The following XPR1 variants were observed in gnomAD, a reference collection of about 807,000 sequenced individuals.
XPR1 encodes solute carrier family 53 member 1.
A neutral mutation model predicts 87.5 loss-of-function variants in XPR1; 28 were observed. The observed-to-expected ratio is 0.32, with a 90% CI of 0.24 to 0.44. XPR1 has a LOEUF of 0.44. Among genes scored for constraint, XPR1 ranks in the 20% least tolerant of loss-of-function variants. The pLI, the probability that XPR1 is intolerant of heterozygous loss-of-function variation, is 1.00. For missense variants in XPR1, 559 were observed against 862.3 expected (o/e 0.65, Z 4.41); for synonymous variants, 300 against 306.1 (o/e 0.98, Z 0.21).
intron 1 of XPR1, among the ~76,000 whole-genome samples, chr1:180,634,331 T>G (rs1654694076): frequency 6.6e-6 from 1 of 152,226 alleles, no homozygotes; most frequent in Non-Finnish European, 1.5e-5. Context: ...GATAAACTCA[T>G]TGTTTGGTAG....
chr1:180,844,895 A>G (rs372795733), intron 11 of XPR1, among the ~76,000 whole-genome samples: 5 of 152,244 alleles, frequency 3.3e-5, no homozygotes, highest in African/African-American at 1.2e-4. Flanking sequence ...GGCCATTGCA[A>G]CTGCTAGGCC....
At chr1:180,656,443 A>AATATTTATATATTATATAT (rs1553232986) in intron 1 of XPR1, among the ~76,000 whole-genome samples, 1 of 5,476 alleles carries the variant, frequency 1.8e-4, no homozygotes, top group African/African-American at 5.3e-4. Flanking sequence ...ATTTATATAT[A>AATATTTATATATTATATAT]AATATTTATA....
chr1:180,790,643 C>T (rs565685359), intron 3 of XPR1, among the ~76,000 whole-genome samples: 1 of 152,120 alleles, frequency 6.6e-6, no homozygotes, highest in Admixed American at 6.5e-5. Context: ...GGGTTCACGT[C>T]ATTCTCCTGC....
rs1553238718 is a variant in XPR1, at chr1:180,704,245, G to GATATATATATGTATATAT, written c.121+21844_121+21845insGTATATATATATATATAT. ...TTTCTCAAGAACACTATAGGTGCTGGATATATATATATATATATATATATA... is the reference window on the plus strand; with the variant it reads ...TTTCTCAAGAACACTATAGGTGCTGGATATATATATGTATATATATATATATATATATATATATATATA... On this transcript the variant is annotated intron_variant, in intron 2 of 14. Coordinates refer to ENST00000367590, the MANE Select transcript of XPR1 (RefSeq NM_004736.4). Among the ~76,000 whole-genome samples, 14 of 66,028 alleles carry GATATATATATGTATATAT rather than the reference G, an allele frequency of 2.1e-4. No homozygotes were observed. The East Asian group carries it at 5.0e-3, about 24-fold the overall frequency. The allele number at this position is 66,028 out of a possible 152,430, so 43.3% of individuals were successfully genotyped here.
rs1238363484 is a variant in XPR1 at position 180,885,997 on chromosome 1, G to GA, written c.*1937dup. ...GTTTTTTTGTTTTGTTTTGTTTTCT[G>GA]AAAAAATCATACAACTTTGTGCTTC... On this transcript the variant is annotated 3_prime_UTR_variant, in exon 15 of 15. Coordinates refer to ENST00000367590, the MANE Select transcript of XPR1 (RefSeq NM_004736.4). 1.3e-5 allele frequency: 2 copies of GA among 151,970 alleles called. No individual in the cohort carries two copies. The highest frequency in any genetic ancestry group is 2.4e-5 in the African/African-American group (1 of 41,394). 9.4% of individuals were successfully genotyped at this position (151,970 alleles called of 1,614,324 possible).
At chr1:180,671,047 C>G (rs1163829014) in intron 1 of XPR1, among the ~76,000 whole-genome samples, 1 of 152,142 alleles carries the variant, frequency 6.6e-6, no homozygotes, top group East Asian at 1.9e-4. Flanking sequence ...ATACTGAGGT[C>G]TCTAAAATGA....
chr1:180,734,851 A>G (rs1397204031), intron 2 of XPR1, among the ~76,000 whole-genome samples: 1 of 152,202 alleles, frequency 6.6e-6, no homozygotes, highest in Non-Finnish European at 1.5e-5. Flanking sequence ...TGTGAAATAC[A>G]GTGGAGGAGG....
At chr1:180,782,874 T>C (rs1648995832) in intron 2 of XPR1, among the ~76,000 whole-genome samples, 1 of 151,940 alleles carries the variant, frequency 6.6e-6, no homozygotes, top group South Asian at 2.1e-4. Context: ...TGGGGAAAAC[T>C]CATGTCACCT....
At chr1:180,734,236 A>G (rs1187083653) in intron 2 of XPR1, among the ~76,000 whole-genome samples, 2 of 152,214 alleles carry the variant, frequency 1.3e-5, no homozygotes, top group South Asian at 2.1e-4. Flanking sequence ...CAGAAAGCCA[A>G]CCACTGAAAA....
chr1:180,778,842 T>A (rs1014394395), intron 2 of XPR1, among the ~76,000 whole-genome samples: 9 of 152,232 alleles, frequency 5.9e-5, no homozygotes, highest in Non-Finnish European at 1.0e-4. Context: ...AAATTATCAT[T>A]TAATAAAACA....
chr1:180,715,740 G>T (rs569353192), intron 2 of XPR1, among the ~76,000 whole-genome samples: 1 of 151,054 alleles, frequency 6.6e-6, no homozygotes, highest in Non-Finnish European at 1.5e-5. Context: ...GCAATGGTGC[G>T]ATCTTGGCTC....
chr1:180,748,118 T>TACC (rs1647337058), intron 2 of XPR1, among the ~76,000 whole-genome samples: 1 of 152,212 alleles, frequency 6.6e-6, no homozygotes, highest in Non-Finnish European at 1.5e-5. Context: ...TGTTACCATT[T>TACC]ACCACCTGTG....
At chr1:180,811,543 T>TTGG in intron 7 of XPR1, 55 bp downstream of exon 7, 1 of 1,413,390 alleles carries the variant, frequency 7.1e-7, no homozygotes, top group Non-Finnish European at 9.9e-7. Context: ...CTGTGTCATA[T>TTGG]TCTGCCCCTC....
intron 7 of XPR1, among the ~76,000 whole-genome samples, chr1:180,814,571 T>C (rs1037862947): frequency 6.6e-6 from 1 of 152,132 alleles, no homozygotes; most frequent in African/African-American, 2.4e-5. Flanking sequence ...GCAGGGTTGT[T>C]TAGGGTTCAT....
chr1:180,878,236 C>A (rs1652722952), intron 13 of XPR1: 1 of 152,148 alleles, frequency 6.6e-6, no homozygotes, highest in Non-Finnish European at 1.5e-5. Context: ...TTTTTAAAAT[C>A]ATTTGCTTAC....
At chr1:180,814,283 T>C (rs1159900347) in intron 7 of XPR1, among the ~76,000 whole-genome samples, 1 of 152,222 alleles carries the variant, frequency 6.6e-6, no homozygotes, top group African/African-American at 2.4e-5. Context: ...TTATGGTCAA[T>C]CCTGAGTTTA....
chr1:180,764,814 C>G (rs1396541787), intron 2 of XPR1, among the ~76,000 whole-genome samples: 1 of 128,822 alleles, frequency 7.8e-6, no homozygotes, highest in Non-Finnish European at 1.6e-5. Flanking sequence ...GAGACAGGGT[C>G]TTGCTCTGTC....
intron 2 of XPR1, among the ~76,000 whole-genome samples, chr1:180,688,694 T>C (rs548976284): frequency 1.4e-4 from 22 of 152,312 alleles, no homozygotes; most frequent in African/African-American, 4.8e-4. Flanking sequence ...TTCTTACATA[T>C]AGTACCCGTT....
At chr1:180,760,588 C>CA (rs1292078312) in intron 2 of XPR1, among the ~76,000 whole-genome samples, 1 of 152,158 alleles carries the variant, frequency 6.6e-6, no homozygotes, top group Non-Finnish European at 1.5e-5. Context: ...AGGAGAACTA[C>CA]AAACCACTGC....
Sources: allele counts gnomAD v4.1 joint callset (sites outside exome capture counted in the v4.1 genomes callset), GRCh38; gene constraint gnomAD v4.1.1; transcripts MANE v1.5; gene names NCBI Gene and HGNC (gene_info 2026-07-23, HGNC 2026-07-21).